The following GNB1 variants were observed in gnomAD, a reference collection of about 807,000 sequenced individuals.
The protein encoded by GNB1 is G protein subunit beta 1, also known as guanine nucleotide-binding protein G(I)/G(S)/G(T) subunit beta-1.
In GNB1, 2 loss-of-function variants were observed where a neutral mutation model predicts 42.9. The observed-to-expected ratio is 0.05, with a 90% CI of 0.02 to 0.15. The LOEUF is 0.15. Ranked by LOEUF, GNB1 falls within the 10% of genes least tolerant of loss-of-function variation. GNB1 has a pLI of 1.00. For synonymous variants in GNB1, 183 were observed against 174.7 expected, an observed-to-expected ratio of 1.05 and a Z score of -0.38; for missense variants, 193 against 462.2, an observed-to-expected ratio of 0.42 and a Z score of 5.34.
intron 1 of GNB1, among the ~76,000 whole-genome samples, chr1:1,869,149 G>A (rs1649109038): frequency 8.2e-6 from 1 of 121,528 alleles, no homozygotes; most frequent in East Asian, 2.6e-4. Context: ...TCACACCACC[G>A]CACTCCAGCC....
intron 1 of GNB1, among the ~76,000 whole-genome samples, chr1:1,855,284 T>C (rs965776703): frequency 2.8e-5 from 4 of 143,636 alleles, no homozygotes; most frequent in African/African-American, 1.1e-4. Flanking sequence ...TCGCCCCCAC[T>C]GCACTCCAGC....
chr1:1,821,602 C>G (rs757919077), intron 3 of GNB1, among the ~76,000 whole-genome samples: 4 of 152,142 alleles, frequency 2.6e-5, no homozygotes, highest in Non-Finnish European at 5.9e-5. Flanking sequence ...ACTTCAACAG[C>G]TTTTGCTGTC....
chr1:1,803,997 A>G (rs1393228292), intron 7 of GNB1, among the ~76,000 whole-genome samples: 1 of 118,180 alleles, frequency 8.5e-6, no homozygotes, highest in Non-Finnish European at 1.8e-5. Context: ...AAAAAAAAAA[A>G]AAAAAAGAAA....
intron 1 of GNB1, among the ~76,000 whole-genome samples, chr1:1,884,212 A>G (rs1479047958): frequency 6.6e-6 from 1 of 151,182 alleles, no homozygotes; most frequent in Non-Finnish European, 1.5e-5. Flanking sequence ...GCTCACTGCA[A>G]CCTCAGCCTC....
chr1:1,833,736 C>T (rs183938628), intron 2 of GNB1, among the ~76,000 whole-genome samples: 6 of 152,330 alleles, frequency 3.9e-5, no homozygotes, highest in Admixed American at 3.9e-4. Flanking sequence ...CATGACCTTG[C>T]TAATGGGCCA....
intron 1 of GNB1, among the ~76,000 whole-genome samples, chr1:1,865,278 A>C (rs12134553): frequency 0.39 from 49,562 of 125,796 alleles, 10,067 homozygotes; most frequent in Middle Eastern, 0.47. Context: ...CAAAAAAAAA[A>C]CAAAAAAAAA....
rs1374550982 is a variant in GNB1 at position 1,787,186 on chromosome 1, A to G, written c.*10-133T>C. ...AGGGCACGTGACTTCAGCTTTCTGT[A>G]AACGTTTCCCACAACACAATTCCAA... On this transcript the variant is annotated intron_variant, in intron 11 of 11. Transcript: ENST00000378609. This position sits in a 1 kb window ranked among gnomAD's most constrained non-coding sequence, Gnocchi z 4.4. 5 of 616,530 alleles carry G rather than the reference A, an allele frequency of 8.1e-6. No individual in the cohort carries two copies. Among genetic ancestry groups the G allele is most frequent in the Non-Finnish European group, 1.2e-5 (4 of 344,590 alleles). 38.2% of individuals were successfully genotyped at this position (616,530 alleles called of 1,614,324 possible).
chr1:1,825,593 G>A, intron 2 of GNB1, 94 bp from the exon 3 acceptor site: 5 of 735,784 alleles, frequency 6.8e-6, no homozygotes, highest in Middle Eastern at 2.4e-4. Context: ...AGGTGGGCGT[G>A]GTGGCTCAAG....
Position 1,786,261 on chromosome 1 carries a change from G to A in GNB1, c.*802C>T, listed in dbSNP as rs1646405049. On this transcript the variant is annotated 3_prime_UTR_variant, in exon 12 of 12. Coordinates refer to ENST00000378609, the MANE Select transcript of GNB1 (RefSeq NM_002074.5). ...CTCCAACTTCACAAGGAAACCCAAA[G>A]TGAGATTAAAAACTCAACTGAGAAG... is the stretch of plus-strand genomic sequence containing the variant. The A allele has an allele frequency of 2.6e-6, 1 of 391,436 alleles. No homozygotes were observed. Among genetic ancestry groups the A allele is most frequent in the African/African-American group, 2.1e-5 (1 of 48,470 alleles). The allele number at this position is 391,436 out of a possible 1,614,324, so 24.2% of individuals were successfully genotyped here.
At chr1:1,822,286 C>A (rs1369275913) in intron 3 of GNB1, among the ~76,000 whole-genome samples, 1 of 149,554 alleles carries the variant, frequency 6.7e-6, no homozygotes, top group African/African-American at 2.4e-5. Flanking sequence ...GGTGCCTGGC[C>A]GTCTCTCTTT....
At chr1:1,829,006 AT>A (rs1170434276) in intron 2 of GNB1, among the ~76,000 whole-genome samples, 1 of 152,140 alleles carries the variant, frequency 6.6e-6, no homozygotes, top group Non-Finnish European at 1.5e-5. Flanking sequence ...AGGCATTTCA[AT>A]TTTTTTAAAA....
chr1:1,844,186 C>A (rs1223558056), intron 1 of GNB1, among the ~76,000 whole-genome samples: 1 of 150,750 alleles, frequency 6.6e-6, no homozygotes, highest in African/African-American at 2.4e-5. Flanking sequence ...CAGAGCAAGA[C>A]TCCATCTCAA....
In GNB1 at chr1:1,822,824, C is replaced by T. The variant is rs1189414094; in HGVS notation, c.57+2573G>A. 2.6e-5 allele frequency among the ~76,000 whole-genome samples: 4 copies of T among 152,132 alleles called. No homozygotes were observed. In the South Asian group the frequency reaches 8.3e-4, roughly 32 times the overall value. On this transcript the variant is annotated intron_variant, in intron 3 of 11. Coordinates refer to ENST00000378609, the MANE Select transcript of GNB1 (RefSeq NM_002074.5). ...TCACCTGTGCCATACAAGCTCTTTC[C>T]ATCTGCTATGAATAGATCCAAGTCC...
chr1:1,888,566 G>C (rs1426285326), intron 1 of GNB1, among the ~76,000 whole-genome samples: 2 of 152,120 alleles, frequency 1.3e-5, no homozygotes, highest in Non-Finnish European at 2.9e-5. Flanking sequence ...GGCTGGGCGC[G>C]GTGGCTCACG....
rs1646402073 is a variant in GNB1, at chr1:1,786,052, A to T, written c.*1011T>A. ...AGAGTAAACCCACCCAATATGGCAAACAATCAAAATTTTTAAAATTTAACT... is the reference window on the plus strand; with the variant it reads ...AGAGTAAACCCACCCAATATGGCAATCAATCAAAATTTTTAAAATTTAACT... On this transcript the variant is annotated 3_prime_UTR_variant, in exon 12 of 12. Transcript: ENST00000378609. 5.0e-6 allele frequency: 2 copies of T among 398,634 alleles called. No individual in the cohort carries two copies. Among genetic ancestry groups the T allele is most frequent in the African/African-American group, 4.1e-5 (2 of 48,714 alleles). 24.7% of individuals were successfully genotyped at this position (398,634 alleles called of 1,614,324 possible). A position where few individuals can be genotyped will look rare whatever the true frequency, so the allele number is the denominator to read the frequency against.
chr1:1,804,746 A>G (rs563779342), intron 6 of GNB1, among the ~76,000 whole-genome samples, 165 bp from the exon 7 acceptor site: 4 of 152,370 alleles, frequency 2.6e-5, no homozygotes, highest in East Asian at 3.9e-4. Flanking sequence ...CAGGTGAAGC[A>G]TACTTAATGA....
chr1:1,879,840 T>C (rs1649745592), intron 1 of GNB1, among the ~76,000 whole-genome samples: 1 of 152,204 alleles, frequency 6.6e-6, no homozygotes, highest in South Asian at 2.1e-4. Flanking sequence ...GCTCTCAGCC[T>C]GATGCAATAC....
At chr1:1,793,156 C>T (rs1646503409) in intron 8 of GNB1, 89 bp downstream of exon 8, 2 of 749,028 alleles carry the variant, frequency 2.7e-6, no homozygotes, top group South Asian at 1.7e-5. Context: ...AATATTATGT[C>T]AAGAACCTTA....
intron 5 of GNB1, among the ~76,000 whole-genome samples, chr1:1,813,060 C>A (rs1646804315): frequency 6.6e-6 from 1 of 152,156 alleles, no homozygotes; most frequent in Non-Finnish European, 1.5e-5. Flanking sequence ...TGTTCCCACA[C>A]ATGGAGGAAA....
Sources: allele counts gnomAD v4.1 joint callset (sites outside exome capture counted in the v4.1 genomes callset), GRCh38; gene constraint gnomAD v4.1.1; non-coding constraint Gnocchi (gnomAD v3.1); transcripts MANE v1.5; gene names NCBI Gene and HGNC (gene_info 2026-07-23, HGNC 2026-07-21).